Variants in ZSCAN4 observed in about 807,000 individuals in gnomAD.
ZSCAN4 encodes zinc finger and SCAN domain containing 4.
A neutral mutation model predicts 18.3 loss-of-function variants in ZSCAN4; 18 were observed. That is an observed-to-expected ratio of 0.98 (90% CI 0.68 to 1.46). The LOEUF is 1.46. Among genes scored for constraint, ZSCAN4 ranks in the 40% most tolerant of loss-of-function variants. The pLI, the probability that ZSCAN4 is intolerant of heterozygous loss-of-function variation, is 0.00. For synonymous variants in ZSCAN4, 193 were observed against 180.3 expected, an observed-to-expected ratio of 1.07 and a Z score of -0.57; for missense variants, 498 against 511.4, an observed-to-expected ratio of 0.97 and a Z score of 0.25.
upstream of ZSCAN4, among the ~76,000 whole-genome samples, chr19:57,666,295 G>T (rs2122279738): frequency 6.6e-6 from 1 of 152,214 alleles, no homozygotes; most frequent in East Asian, 1.9e-4. Flanking sequence ...TTGCTTGTAT[G>T]ACTGGAAGCA....
chr19:57,652,310 A>G, the ZSCAN4 span, among the ~76,000 whole-genome samples: 2 of 152,228 alleles, frequency 1.3e-5, no homozygotes, highest in Non-Finnish European at 2.9e-5. Flanking sequence ...GCCGGAAAAC[A>G]GGACATTGAA....
At chr19:57,670,914 T>G (rs1409706937) in intron 2 of ZSCAN4, among the ~76,000 whole-genome samples, 2 of 151,886 alleles carry the variant, frequency 1.3e-5, no homozygotes, top group African/African-American at 2.4e-5. Flanking sequence ...GGCTAAAGTT[T>G]AGTAGCCCCA....
the ZSCAN4 span, among the ~76,000 whole-genome samples, chr19:57,658,131 T>C: frequency 6.6e-6 from 1 of 152,184 alleles, no homozygotes; most frequent in Non-Finnish European, 1.5e-5. Flanking sequence ...TGGGTAACTG[T>C]GTTACATTTA....
At chr19:57,666,171 A>G (rs904922850), upstream of ZSCAN4, among the ~76,000 whole-genome samples, 2 of 152,222 alleles carry the variant, frequency 1.3e-5, no homozygotes, top group African/African-American at 4.8e-5. Flanking sequence ...TGGTTCCTAC[A>G]GGTCCTGTAC....
the ZSCAN4 span, among the ~76,000 whole-genome samples, chr19:57,663,520 T>TGAAA: frequency 1.5e-5 from 1 of 66,548 alleles, no homozygotes; most frequent in Non-Finnish European, 2.6e-5. Context: ...ACCATGTCTC[T>TGAAA]AAAAAAAAAA....
chr19:57,678,510 A>G, exon 5 of ZSCAN4: 2 of 1,614,204 alleles, frequency 1.2e-6, no homozygotes, highest in Non-Finnish European at 1.7e-6. Context: ...GGTACATCAG[A>G]AAGGATCCCA....
At chr19:57,668,212 ATTG>A (rs1278853791), upstream of ZSCAN4, among the ~76,000 whole-genome samples, 1 of 151,754 alleles carries the variant, frequency 6.6e-6, no homozygotes, top group Non-Finnish European at 1.5e-5. Context: ...CCCATTTTTC[ATTG>A]TTGTAGCAGA....
chr19:57,655,759 G>T, the ZSCAN4 span, among the ~76,000 whole-genome samples: 7,812 of 151,924 alleles, frequency 0.051, 270 homozygotes, highest in African/African-American at 0.088. Context: ...TCTGAACTCT[G>T]TCACTCCTGC....
In ZSCAN4 at chr19:57,676,245, CAG is replaced by C; in HGVS notation, c.106_107del (p.Glu36ArgfsTer5). 1.9e-6 allele frequency: 3 copies of C among 1,614,074 alleles called. No homozygotes were observed. Among genetic ancestry groups the C allele is most frequent in the Non-Finnish European group, 2.5e-6 (3 of 1,180,006 alleles). ...TCAACAAAGCCAAGGACCTGCTGTT[CAG>C]AGAGAAGAAGGGATTTCTGAGTTCT... On this transcript the variant is annotated frameshift_variant, in exon 3 of 5. Transcript: ENST00000318203. LOFTEE classifies it high-confidence loss of function.
the ZSCAN4 span, among the ~76,000 whole-genome samples, chr19:57,658,903 A>C: frequency 1.3e-5 from 2 of 151,774 alleles, no homozygotes; most frequent in Admixed American, 6.6e-5. Flanking sequence ...CCTTAATCTT[A>C]TAAAGAACAT....
the ZSCAN4 span, among the ~76,000 whole-genome samples, chr19:57,655,633 TC>T: frequency 5.3e-5 from 8 of 152,120 alleles, no homozygotes; most frequent in Non-Finnish European, 1.2e-4. Flanking sequence ...CTTCTTTCCC[TC>T]CTGCTATCTT....
At chr19:57,661,824 G>A in the ZSCAN4 span, among the ~76,000 whole-genome samples, 2 of 152,198 alleles carry the variant, frequency 1.3e-5, no homozygotes, top group African/African-American at 4.8e-5. Flanking sequence ...GCTCACGCCT[G>A]TAACCCCAGC....
intron 2 of ZSCAN4, among the ~76,000 whole-genome samples, chr19:57,673,064 T>G (rs1448515458): frequency 6.6e-6 from 1 of 152,132 alleles, no homozygotes; most frequent in African/African-American, 2.4e-5. Context: ...ATTTATTTAT[T>G]TTGAGATGGA....
chr19:57,667,268 T>G (rs1363714727), upstream of ZSCAN4, among the ~76,000 whole-genome samples: 2 of 152,224 alleles, frequency 1.3e-5, no homozygotes, highest in Non-Finnish European at 2.9e-5. Flanking sequence ...TAAATCCTCC[T>G]GCTCATGCCC....
chr19:57,654,481 C>A, the ZSCAN4 span, among the ~76,000 whole-genome samples: 1 of 152,140 alleles, frequency 6.6e-6, no homozygotes, highest in African/African-American at 2.4e-5. Context: ...CAGCCCAGTA[C>A]CTCCTTAGCC....
chr19:57,656,829 A>G, the ZSCAN4 span, among the ~76,000 whole-genome samples: 1 of 152,080 alleles, frequency 6.6e-6, no homozygotes, highest in Non-Finnish European at 1.5e-5. Context: ...TTCTACAAAA[A>G]TTAGCTAATA....
the ZSCAN4 span, among the ~76,000 whole-genome samples, chr19:57,659,199 C>T: frequency 6.6e-6 from 1 of 152,172 alleles, no homozygotes; most frequent in Non-Finnish European, 1.5e-5. Context: ...TACTTCTCAG[C>T]TGTATCCTGC....
At chr19:57,678,774 A>C in exon 5 of ZSCAN4, 2 of 1,614,172 alleles carry the variant, frequency 1.2e-6, no homozygotes, top group South Asian at 1.1e-5. Flanking sequence ...GAGAATCCAC[A>C]CAGGAGAAAA....
chr19:57,665,795 C>T (rs972421177), upstream of ZSCAN4, among the ~76,000 whole-genome samples: 13 of 152,058 alleles, frequency 8.5e-5, no homozygotes, highest in Non-Finnish European at 1.6e-4. Context: ...GTCAGTAATC[C>T]CAGCTACTCC....
Sources: gnomAD v4.1 joint callset for allele counts (sites outside exome capture counted in the v4.1 genomes callset) on GRCh38, gnomAD v4.1.1 for gene constraint, MANE v1.5 for transcripts, NCBI Gene and HGNC (gene_info 2026-07-23, HGNC 2026-07-21) for gene names.